Variants in M1AP observed in about 807,000 individuals in gnomAD.
M1AP encodes the protein meiosis 1 associated protein, also known as meiosis 1 arrest protein.
Under a neutral mutation model 51.2 loss-of-function variants are expected in M1AP, and 39 were observed. That is an observed-to-expected ratio of 0.76 (90% CI 0.59 to 1.00). The LOEUF (loss-of-function observed/expected upper bound fraction) is 1.00, where lower values mean the gene tolerates loss of function less well. M1AP is among the 50% of genes least tolerant of loss of function. M1AP has a pLI of 0.00. For synonymous variants in M1AP, 251 were observed against 249.2 expected, an observed-to-expected ratio of 1.01 and a Z score of -0.07; for missense variants, 545 against 641.2, an observed-to-expected ratio of 0.85 and a Z score of 1.62.
chr2:74,595,032 C>G (rs1202777858), intron 4 of M1AP, among the ~76,000 whole-genome samples: 2 of 152,040 alleles, frequency 1.3e-5, no homozygotes, highest in African/African-American at 2.4e-5. Context: ...AAAAATGATC[C>G]TTTACATACA....
At chr2:74,599,152 A>G (rs1188337117) in intron 4 of M1AP, among the ~76,000 whole-genome samples, 4 of 152,018 alleles carry the variant, frequency 2.6e-5, no homozygotes, top group Non-Finnish European at 5.9e-5. Context: ...GGTGATGCAC[A>G]CCTATAATCC....
At chr2:74,637,044 CT>C (rs1366872464) in intron 2 of M1AP, among the ~76,000 whole-genome samples, 1 of 152,140 alleles carries the variant, frequency 6.6e-6, no homozygotes, top group African/African-American at 2.4e-5. Flanking sequence ...TTTCTATCCC[CT>C]GTTCCTCTCC....
chr2:74,569,668 C>T (rs948215357), intron 7 of M1AP, among the ~76,000 whole-genome samples: 1 of 151,588 alleles, frequency 6.6e-6, no homozygotes, highest in African/African-American at 2.4e-5. Flanking sequence ...AGTCACTGTG[C>T]CCAGCCCTCC....
intron 2 of M1AP, among the ~76,000 whole-genome samples, chr2:74,637,206 T>C (rs532884522): frequency 1.3e-5 from 2 of 152,278 alleles, no homozygotes; most frequent in Admixed American, 1.3e-4. Context: ...ACTAATCTTT[T>C]CTTTTGTAAT....
At chr2:74,638,115 C>T (rs1013985029) in intron 2 of M1AP, among the ~76,000 whole-genome samples, 2 of 151,010 alleles carry the variant, frequency 1.3e-5, no homozygotes, top group East Asian at 1.9e-4. Flanking sequence ...AGTGCAGTGG[C>T]GCGACCTCGG....
chr2:74,625,018 T>C (rs1253063603), intron 2 of M1AP, among the ~76,000 whole-genome samples: 4 of 152,344 alleles, frequency 2.6e-5, no homozygotes, highest in South Asian at 2.1e-4. Flanking sequence ...TGTCACCAAA[T>C]TGCCCTCTAT....
At chr2:74,596,434 T>A (rs564551040) in intron 4 of M1AP, among the ~76,000 whole-genome samples, 1 of 151,992 alleles carries the variant, frequency 6.6e-6, no homozygotes, top group African/African-American at 2.4e-5. Context: ...TACAAAAAAT[T>A]TGCCGGGCGT....
intron 5 of M1AP, 117 bp downstream of exon 5, chr2:74,581,557 C>T (rs1679404778): frequency 6.2e-6 from 6 of 961,278 alleles, no homozygotes; most frequent in Non-Finnish European, 9.4e-6. Context: ...CCTCATCCAA[C>T]CCTCTTCCAG....
At chr2:74,621,551 C>G (rs1313532224) in intron 2 of M1AP, among the ~76,000 whole-genome samples, 1 of 149,890 alleles carries the variant, frequency 6.7e-6, no homozygotes, top group Non-Finnish European at 1.5e-5. Context: ...TTTGGGAGGC[C>G]GAGGTGGGCG....
chr2:74,618,822 C>A, intron 2 of M1AP: 1 of 376,688 alleles, frequency 2.7e-6, no homozygotes, highest in South Asian at 2.1e-5. Context: ...CTGAGCCTCC[C>A]AAATCCCTCT....
At chr2:74,647,945 C>T (rs1683702101) in intron 1 of M1AP, 1 of 883,820 alleles carries the variant, frequency 1.1e-6, no homozygotes, top group African/African-American at 1.8e-5. Context: ...TCCCTGAAGC[C>T]TCCGTGGTCC....
At chr2:74,621,769 G>A (rs1176743621) in intron 2 of M1AP, among the ~76,000 whole-genome samples, 1 of 151,626 alleles carries the variant, frequency 6.6e-6, no homozygotes, top group Non-Finnish European at 1.5e-5. Context: ...CTCCAGCCTG[G>A]GAAACAGAGC....
At chr2:74,579,956 T>C (rs1679304523) in intron 5 of M1AP, among the ~76,000 whole-genome samples, 1 of 152,168 alleles carries the variant, frequency 6.6e-6, no homozygotes, top group Admixed American at 6.5e-5. Flanking sequence ...TACAGGTGCA[T>C]ACCACTGTGC....
At chr2:74,609,462 A>G (rs939293760) in intron 3 of M1AP, among the ~76,000 whole-genome samples, 1 of 152,218 alleles carries the variant, frequency 6.6e-6, no homozygotes, top group African/African-American at 2.4e-5. Flanking sequence ...TTATCCATTG[A>G]TAGACACTCA....
chr2:74,638,140 C>T (rs957281807), intron 2 of M1AP, among the ~76,000 whole-genome samples: 7 of 151,968 alleles, frequency 4.6e-5, no homozygotes, highest in Admixed American at 6.6e-5. Context: ...CTACAACCTC[C>T]GCCTCCAGGG....
At chr2:74,591,943 G>A (rs936115111) in intron 4 of M1AP, among the ~76,000 whole-genome samples, 5 of 151,868 alleles carry the variant, frequency 3.3e-5, no homozygotes, top group Admixed American at 6.6e-5. Flanking sequence ...CCACCACCAC[G>A]CCTGGCTAAC....
At chr2:74,604,210 A>AG (rs1436866410) in intron 4 of M1AP, among the ~76,000 whole-genome samples, 2 of 152,148 alleles carry the variant, frequency 1.3e-5, no homozygotes, top group Non-Finnish European at 2.9e-5. Flanking sequence ...GCTCTGGTGT[A>AG]GGGAAGCATG....
intron 2 of M1AP, among the ~76,000 whole-genome samples, chr2:74,635,077 T>C (rs1183070028): frequency 1.3e-5 from 2 of 152,172 alleles, no homozygotes; most frequent in Non-Finnish European, 2.9e-5. Context: ...TTTCTTTAAA[T>C]GTTTAGTAGA....
intron 4 of M1AP, among the ~76,000 whole-genome samples, chr2:74,597,631 G>C (rs897908693): frequency 6.6e-6 from 1 of 152,186 alleles, no homozygotes; most frequent in Non-Finnish European, 1.5e-5. Flanking sequence ...AAGTCTAGGA[G>C]GAAATATTAA....
Sources: allele counts gnomAD v4.1 joint callset (sites outside exome capture counted in the v4.1 genomes callset), GRCh38; gene constraint gnomAD v4.1.1; transcripts MANE v1.5; gene names NCBI Gene and HGNC (gene_info 2026-07-23, HGNC 2026-07-21).